The following ZEB1 variants were observed in gnomAD, a reference collection of about 807,000 sequenced individuals.
The protein encoded by ZEB1 is zinc finger E-box-binding homeobox 1.
ZEB1 carries 21 observed loss-of-function variants against 84.9 expected under a neutral mutation model. That is an observed-to-expected ratio of 0.25 (90% confidence interval 0.18 to 0.36). The LOEUF (loss-of-function observed/expected upper bound fraction) is 0.36, where lower values mean the gene tolerates loss of function less well. Ranked by LOEUF, ZEB1 falls within the 10% of genes least tolerant of loss-of-function variation. The pLI is 1.00. For missense variants in ZEB1, 1,104 were observed against 1,330.2 expected, an observed-to-expected ratio of 0.83 and a Z score of 2.65; for synonymous variants, 420 against 471.1, an observed-to-expected ratio of 0.89 and a Z score of 1.41.
At chr10:31,471,213 A>G (rs562683174) in intron 2 of ZEB1, among the ~76,000 whole-genome samples, 1,558 of 122,180 alleles carry the variant, frequency 0.013, 21 homozygotes, top group African/African-American at 0.048. Context: ...ACACATAACA[A>G]TATTAACTTT....
intron 1 of ZEB1, among the ~76,000 whole-genome samples, chr10:31,437,172 T>G (rs1255115860): frequency 6.6e-6 from 1 of 152,186 alleles, no homozygotes; most frequent in Non-Finnish European, 1.5e-5. Flanking sequence ...TATAATTAGG[T>G]AAGGATTCTT....
intron 1 of ZEB1, among the ~76,000 whole-genome samples, chr10:31,454,388 C>T (rs938040451): frequency 6.6e-6 from 1 of 152,262 alleles, no homozygotes; most frequent in East Asian, 1.9e-4. Context: ...TCCTATTCAA[C>T]ATAGTGTTGG....
intron 1 of ZEB1, among the ~76,000 whole-genome samples, chr10:31,359,671 G>T (rs2042678054): frequency 6.6e-6 from 1 of 151,994 alleles, no homozygotes; most frequent in Non-Finnish European, 1.5e-5. Context: ...ATTCTGTTTG[G>T]AAAGTACAAA....
intron 1 of ZEB1, among the ~76,000 whole-genome samples, chr10:31,369,263 G>A (rs1280251321): frequency 6.6e-6 from 1 of 152,000 alleles, no homozygotes; most frequent in Non-Finnish European, 1.5e-5. Flanking sequence ...TACTTAAAAC[G>A]TTATTATTGA....
At chr10:31,423,042 G>GTATA (rs1022067433) in intron 1 of ZEB1, among the ~76,000 whole-genome samples, 1 of 151,432 alleles carries the variant, frequency 6.6e-6, no homozygotes, top group South Asian at 2.1e-4. Context: ...TGGTGTGTGT[G>GTATA]TATATATATA....
intron 1 of ZEB1, among the ~76,000 whole-genome samples, chr10:31,451,482 T>G (rs759385785): frequency 1.3e-5 from 2 of 152,218 alleles, no homozygotes; most frequent in African/African-American, 4.8e-5. Context: ...ACACTTAGAT[T>G]TCGTCATACT....
chr10:31,339,793 A>T (rs930355669), intron 1 of ZEB1, among the ~76,000 whole-genome samples: 63 of 151,928 alleles, frequency 4.1e-4, no homozygotes, highest in Middle Eastern at 3.4e-3. Flanking sequence ...CCTATATAAA[A>T]TAGTTTATAG....
chr10:31,489,419 C>T (rs1369772758), intron 2 of ZEB1, among the ~76,000 whole-genome samples: 1 of 150,890 alleles, frequency 6.6e-6, no homozygotes, highest in Non-Finnish European at 1.5e-5. Context: ...TATTTTTGGT[C>T]TATTCTGATC....
At chr10:31,442,312 A>G (rs1260779676) in intron 1 of ZEB1, among the ~76,000 whole-genome samples, 1 of 152,198 alleles carries the variant, frequency 6.6e-6, no homozygotes, top group Non-Finnish European at 1.5e-5. Flanking sequence ...GCAAGGACAA[A>G]AAACCAAACA....
At chr10:31,397,613 G>A (rs2051047984) in intron 1 of ZEB1, among the ~76,000 whole-genome samples, 1 of 152,128 alleles carries the variant, frequency 6.6e-6, no homozygotes. Flanking sequence ...TAAAGCAGGA[G>A]TCAACAAATT....
intron 1 of ZEB1, among the ~76,000 whole-genome samples, chr10:31,367,081 T>C (rs898517036): frequency 6.6e-6 from 1 of 152,202 alleles, no homozygotes; most frequent in African/African-American, 2.4e-5. Context: ...TATTTCTGTA[T>C]CCTATCTACT....
intron 1 of ZEB1, among the ~76,000 whole-genome samples, chr10:31,428,016 A>G (rs1175592780): frequency 6.6e-6 from 1 of 152,116 alleles, no homozygotes; most frequent in Non-Finnish European, 1.5e-5. Context: ...CAAAAAAACT[A>G]GCTCCTGGAT....
chr10:31,488,396 ACAGTG>A (rs2138735260), intron 2 of ZEB1, among the ~76,000 whole-genome samples: 1 of 151,262 alleles, frequency 6.6e-6, no homozygotes, highest in African/African-American at 2.4e-5. Context: ...TGCTGGTTCT[ACAGTG>A]GTATTCTCTT....
At chr10:31,362,709 C>T (rs2043515742) in intron 1 of ZEB1, 2 of 492,462 alleles carry the variant, frequency 4.1e-6, no homozygotes, top group African/African-American at 3.9e-5. Context: ...AGGCGCTCCT[C>T]ACTTCCCAGA....
intron 2 of ZEB1, among the ~76,000 whole-genome samples, chr10:31,474,536 G>A (rs1413431953): frequency 6.6e-6 from 1 of 152,112 alleles, no homozygotes; most frequent in African/African-American, 2.4e-5. Flanking sequence ...AGTTAGAATG[G>A]CAATCATTAA....
intron 1 of ZEB1, among the ~76,000 whole-genome samples, chr10:31,446,333 A>G (rs1182560971): frequency 2.6e-5 from 4 of 152,058 alleles, no homozygotes; most frequent in African/African-American, 9.7e-5. Context: ...CTAGTGGTCT[A>G]TCAATTTTGT....
intron 1 of ZEB1, among the ~76,000 whole-genome samples, chr10:31,393,565 T>G (rs1396995209): frequency 6.6e-6 from 1 of 152,190 alleles, no homozygotes; most frequent in Non-Finnish European, 1.5e-5. Context: ...TTTTGTGACT[T>G]CTCATTAAAA....
At chr10:31,321,316 T>A in intron 1 of ZEB1, 1 of 1,418,204 alleles carries the variant, frequency 7.1e-7, no homozygotes, top group Non-Finnish European at 9.2e-7. Context: ...AAATCACTGC[T>A]TTCGTGATTT....
At chr10:31,500,746 G>A (rs897711429) in intron 3 of ZEB1, among the ~76,000 whole-genome samples, 4 of 152,152 alleles carry the variant, frequency 2.6e-5, no homozygotes, top group African/African-American at 4.8e-5. Context: ...AGAGCAGGGA[G>A]AAGAATTTTC....
Sources: gnomAD v4.1 joint callset for allele counts (sites outside exome capture counted in the v4.1 genomes callset) on GRCh38, gnomAD v4.1.1 for gene constraint, MANE v1.5 for transcripts, NCBI Gene and HGNC (gene_info 2026-07-23, HGNC 2026-07-21) for gene names.